The following PRKCZ variants were observed in gnomAD, a reference collection of about 807,000 sequenced individuals.
The protein encoded by PRKCZ is protein kinase C zeta type.
PRKCZ carries 33 observed loss-of-function variants against 79.5 expected under a neutral mutation model. The ratio of observed to expected loss-of-function variants is 0.41; its 90% CI spans 0.31 to 0.55. The LOEUF is 0.55. PRKCZ is among the 20% of genes least tolerant of loss of function. The pLI, the probability that PRKCZ is intolerant of heterozygous loss-of-function variation, is 0.19. For missense variants in PRKCZ, 578 were observed against 813.5 expected, an observed-to-expected ratio of 0.71 and a Z score of 3.52; for synonymous variants, 342 against 320.9, an observed-to-expected ratio of 1.07 and a Z score of -0.70.
At chr1:2,083,228 A>G (rs1393258768) in intron 4 of PRKCZ, among the ~76,000 whole-genome samples, 2 of 151,970 alleles carry the variant, frequency 1.3e-5, no homozygotes, top group Non-Finnish European at 2.9e-5. Flanking sequence ...GGCTGCGTCC[A>G]TGTCTGGACG....
chr1:2,071,445 C>T (rs551702049), intron 4 of PRKCZ: 86 of 298,154 alleles, frequency 2.9e-4, no homozygotes, highest in African/African-American at 1.7e-3. Context: ...CCTGGGTGGG[C>T]GGGTTACCAC....
chr1:2,084,638 A>G (rs569895382), intron 4 of PRKCZ, among the ~76,000 whole-genome samples: 1 of 152,316 alleles, frequency 6.6e-6, no homozygotes, highest in East Asian at 1.9e-4. Flanking sequence ...TGCACCCACC[A>G]GCTGTCAGTG....
intron 4 of PRKCZ, among the ~76,000 whole-genome samples, chr1:2,123,785 G>A (rs1673108889): frequency 4.7e-5 from 1 of 21,454 alleles, no homozygotes; most frequent in African/African-American, 2.9e-4. Flanking sequence ...TAGGGTCGTG[G>A]CGGTGGTTAG....
chr1:2,056,672 T>C (rs1660193642), intron 3 of PRKCZ, 99 bp downstream of exon 3: 6 of 1,103,190 alleles, frequency 5.4e-6, no homozygotes, highest in Non-Finnish European at 3.9e-6. Flanking sequence ...TAAAATCCTA[T>C]GATGCCAGAG....
In PRKCZ at chr1:2,127,328, G is replaced by A. The variant is rs759242039; in HGVS notation, c.335-7934G>A. On this transcript the variant is annotated intron_variant, in intron 4 of 17. Coordinates refer to ENST00000378567, the MANE Select transcript of PRKCZ (RefSeq NM_002744.6). This position sits in a 1 kb window ranked among gnomAD's most constrained non-coding sequence, Gnocchi z 5.1. The stretch of plus-strand genomic sequence containing the variant: ...GGGAAATAGATCTGTGGTTAGAAAC[G>A]GGAAGTTTGAGTTGCAGGCTTGCGA... Among the ~76,000 whole-genome samples, 11 of 119,568 alleles carry A rather than the reference G, an allele frequency of 9.2e-5. No homozygotes were observed. Among genetic ancestry groups the A allele is most frequent in the Non-Finnish European group, 1.8e-4 (9 of 50,734 alleles). The allele number at this position is 119,568 out of a possible 152,430, so 78.4% of individuals were successfully genotyped here. A position where few individuals can be genotyped will look rare whatever the true frequency, so the allele number is the denominator to read the frequency against.
chr1:2,117,788 TC>T (rs1183192001), intron 4 of PRKCZ, among the ~76,000 whole-genome samples: 3 of 152,154 alleles, frequency 2.0e-5, no homozygotes, highest in Non-Finnish European at 4.4e-5. Flanking sequence ...TTTTCCTTCA[TC>T]TATTGATGTG....
chr1:2,050,869 G>T (rs1659574427), intron 1 of PRKCZ, 168 bp downstream of exon 1: 1 of 417,396 alleles, frequency 2.4e-6, no homozygotes, highest in South Asian at 1.2e-4. Flanking sequence ...AGCGTCACCC[G>T]CGGACACGTC....
chr1:2,172,226 C>T lies in PRKCZ; in HGVS notation c.1197+36C>T. 1 of 1,613,514 alleles carries T rather than the reference C, an allele frequency of 6.2e-7. No individual in the cohort carries two copies. The highest frequency in any genetic ancestry group is 8.5e-7 in the Non-Finnish European group (1 of 1,180,026). On this transcript the variant is annotated intron_variant, in intron 12 of 17. Coordinates refer to ENST00000378567, the MANE Select transcript of PRKCZ (RefSeq NM_002744.6). This position sits in a 1 kb window ranked among gnomAD's most constrained non-coding sequence, Gnocchi z 7.8. ...TGGACCGCCTCCCCTGACCATCCCG[C>T]ATGTGCGTCTCGGGGCGCCTGTCCC...
At chr1:2,170,984 C>T (rs1684309803) in intron 11 of PRKCZ, among the ~76,000 whole-genome samples, 1 of 152,234 alleles carries the variant, frequency 6.6e-6, no homozygotes, top group African/African-American at 2.4e-5. Context: ...GAACACCCTG[C>T]TTCCGGTTCT....
intron 10 of PRKCZ, chr1:2,156,316 T>C (rs896201663): frequency 1.0e-4 from 47 of 449,436 alleles, no homozygotes; most frequent in Non-Finnish European, 1.7e-4. Flanking sequence ...AAATACTTAC[T>C]GGAGGTATCC....
intron 4 of PRKCZ, among the ~76,000 whole-genome samples, chr1:2,062,741 G>A (rs1660800641): frequency 6.6e-6 from 1 of 151,890 alleles, no homozygotes; most frequent in Admixed American, 6.6e-5. Flanking sequence ...ACCCATCTTG[G>A]CCTCCCAAAG....
chr1:2,126,818 TG>T (rs1216837424), intron 4 of PRKCZ, among the ~76,000 whole-genome samples: 1 of 152,208 alleles, frequency 6.6e-6, no homozygotes, highest in African/African-American at 2.4e-5. Flanking sequence ...CCCATGCCAC[TG>T]CATTGTGGCA....
intron 4 of PRKCZ, among the ~76,000 whole-genome samples, chr1:2,077,889 C>G (rs538013861): frequency 6.6e-6 from 1 of 152,366 alleles, no homozygotes; most frequent in South Asian, 2.1e-4. Flanking sequence ...TGTTTTTAAT[C>G]ATTGAGTGTT....
chr1:2,118,526 A>G (rs1036616484), intron 4 of PRKCZ, among the ~76,000 whole-genome samples: 1 of 151,110 alleles, frequency 6.6e-6, no homozygotes, highest in Non-Finnish European at 1.5e-5. Flanking sequence ...TTTAGTAGAG[A>G]CGAGGTTTCA....
At chr1:2,152,860 G>C (rs1472506043) in intron 9 of PRKCZ, among the ~76,000 whole-genome samples, 1 of 152,260 alleles carries the variant, frequency 6.6e-6, no homozygotes, top group Non-Finnish European at 1.5e-5. Flanking sequence ...CCGTTGTCCA[G>C]TGGAGGCCCC....
chr1:2,169,045 T>A (rs1438887678), intron 10 of PRKCZ: 1 of 416,688 alleles, frequency 2.4e-6, no homozygotes. Flanking sequence ...CTTGTTCCCT[T>A]GGAGGGCCGG....
chr1:2,085,680 C>T (rs1204715216), intron 4 of PRKCZ, among the ~76,000 whole-genome samples: 16 of 138,310 alleles, frequency 1.2e-4, no homozygotes, highest in South Asian at 2.5e-4. Context: ...CGTGAGGCAC[C>T]GTGCTGGAGG....
At chr1:2,150,750 C>T (rs1261570005) in intron 8 of PRKCZ, 40 bp from the exon 9 acceptor site, 52 of 1,582,250 alleles carry the variant, frequency 3.3e-5, no homozygotes, top group Non-Finnish European at 4.4e-5. Context: ...CTCCCGGGAA[C>T]CCCCCTCTCA....
chr1:2,063,138 T>C (rs1242111651), intron 4 of PRKCZ, among the ~76,000 whole-genome samples: 2 of 152,128 alleles, frequency 1.3e-5, no homozygotes, highest in Non-Finnish European at 2.9e-5. Context: ...CAGGCTGCTG[T>C]ATGGATGTAT....
Sources: gnomAD v4.1 joint callset for allele counts (sites outside exome capture counted in the v4.1 genomes callset) on GRCh38, gnomAD v4.1.1 for gene constraint, Gnocchi (gnomAD v3.1) non-coding constraint, MANE v1.5 for transcripts, NCBI Gene and HGNC (gene_info 2026-07-23, HGNC 2026-07-21) for gene names.